ACVR1: variants seen among roughly 807,000 people sequenced by gnomAD.
ACVR1 encodes the protein activin receptor type-1.
A neutral mutation model predicts 57.1 loss-of-function variants in ACVR1; 38 were observed. The ratio of observed to expected loss-of-function variants is 0.67; its 90% confidence interval spans 0.51 to 0.87. The LOEUF (loss-of-function observed/expected upper bound fraction) is 0.87, where lower values mean the gene tolerates loss of function less well. Among genes scored for constraint, ACVR1 ranks in the 40% least tolerant of loss-of-function variants. The pLI is 0.00. For missense variants in ACVR1, 463 were observed against 638.2 expected (o/e 0.73, Z 2.96); for synonymous variants, 212 against 228.1 (o/e 0.93, Z 0.63).
At chr2:157,794,516 C>CA (rs549028541) in intron 3 of ACVR1, among the ~76,000 whole-genome samples, 15 of 146,756 alleles carry the variant, frequency 1.0e-4, no homozygotes, top group Middle Eastern at 3.4e-3. Context: ...TAATTTAGGG[C>CA]AAAAAAAAAT....
intron 1 of ACVR1, among the ~76,000 whole-genome samples, chr2:157,866,116 T>C (rs767298554): frequency 6.6e-6 from 1 of 152,208 alleles, no homozygotes; most frequent in Non-Finnish European, 1.5e-5. Flanking sequence ...GAACTCATAT[T>C]ACTGTGCACA....
chr2:157,755,917 C>T (rs1356644777), intron 9 of ACVR1, among the ~76,000 whole-genome samples: 2 of 152,080 alleles, frequency 1.3e-5, no homozygotes, highest in Non-Finnish European at 2.9e-5. Flanking sequence ...TCAAACTATA[C>T]TGTAAGGCCA....
chr2:157,815,060 G>A (rs1687884641), intron 2 of ACVR1, among the ~76,000 whole-genome samples: 1 of 152,138 alleles, frequency 6.6e-6, no homozygotes. Flanking sequence ...CTGCACTCCA[G>A]CCTGGGCAAC....
chr2:157,809,674 C>T (rs1278723967), intron 2 of ACVR1, among the ~76,000 whole-genome samples: 2 of 152,140 alleles, frequency 1.3e-5, no homozygotes, highest in Non-Finnish European at 2.9e-5. Flanking sequence ...TAAATGCACT[C>T]TATGAAGTAG....
intron 8 of ACVR1, among the ~76,000 whole-genome samples, chr2:157,763,080 A>G (rs1392103483): frequency 1.3e-5 from 2 of 152,256 alleles, no homozygotes; most frequent in East Asian, 3.8e-4. Flanking sequence ...AAAGATGACA[A>G]AACAACCGGA....
intron 9 of ACVR1, among the ~76,000 whole-genome samples, chr2:157,746,125 A>G (rs1044344620): frequency 6.6e-6 from 1 of 152,150 alleles, no homozygotes; most frequent in Non-Finnish European, 1.5e-5. Flanking sequence ...GAAGAGGGGA[A>G]ACAAATGTAC....
At chr2:157,854,342 A>G (rs1222156506) in intron 1 of ACVR1, among the ~76,000 whole-genome samples, 2 of 152,234 alleles carry the variant, frequency 1.3e-5, no homozygotes, top group African/African-American at 4.8e-5. Context: ...GGAACACAAC[A>G]TAAAAACATC....
intron 7 of ACVR1, among the ~76,000 whole-genome samples, chr2:157,768,254 G>T (rs189922336): frequency 2.0e-4 from 30 of 152,060 alleles, no homozygotes; most frequent in African/African-American, 7.0e-4. Flanking sequence ...TTCTCTTGGA[G>T]CCCTTAGCTG....
intron 2 of ACVR1, among the ~76,000 whole-genome samples, chr2:157,807,870 TA>T (rs1687612643): frequency 3.0e-5 from 1 of 33,308 alleles, no homozygotes; most frequent in South Asian, 1.5e-3. Flanking sequence ...GGGGGGTGGG[TA>T]TAAGATGAAA....
chr2:157,872,672 C>T (rs951351773), intron 1 of ACVR1, among the ~76,000 whole-genome samples: 1 of 152,168 alleles, frequency 6.6e-6, no homozygotes, highest in Admixed American at 6.5e-5. Context: ...ACTGTGTGCC[C>T]ACTGCAAACA....
chr2:157,785,129 C>T (rs1198655401), intron 3 of ACVR1, among the ~76,000 whole-genome samples: 5 of 152,308 alleles, frequency 3.3e-5, no homozygotes, highest in East Asian at 1.9e-4. Context: ...GTAAACAAAC[C>T]GGCCCATGGC....
At chr2:157,743,308 C>T (rs892774520) in intron 9 of ACVR1, among the ~76,000 whole-genome samples, 1 of 152,156 alleles carries the variant, frequency 6.6e-6, no homozygotes, top group Non-Finnish European at 1.5e-5. Flanking sequence ...AGACAAAGTT[C>T]AGTGCCCTCA....
chr2:157,839,709 T>A (rs112493492), intron 1 of ACVR1, among the ~76,000 whole-genome samples: 52 of 152,144 alleles, frequency 3.4e-4, no homozygotes, highest in African/African-American at 1.2e-3. Context: ...CCCAAGGGCA[T>A]CAGGAAAATC....
At chr2:157,864,390 T>A (rs913068540) in intron 1 of ACVR1, among the ~76,000 whole-genome samples, 9 of 152,024 alleles carry the variant, frequency 5.9e-5, no homozygotes, top group South Asian at 4.2e-4. Flanking sequence ...TTTAAAAAAA[T>A]TTTTGTAGAG....
chr2:157,750,265 G>A (rs1685132567), intron 9 of ACVR1, among the ~76,000 whole-genome samples: 1 of 152,176 alleles, frequency 6.6e-6, no homozygotes, highest in South Asian at 2.1e-4. Context: ...TACCACCGCT[G>A]CCATTGCTGG....
chr2:157,815,328 G>A (rs1687894444), intron 2 of ACVR1, among the ~76,000 whole-genome samples: 2 of 152,158 alleles, frequency 1.3e-5, no homozygotes, highest in African/African-American at 4.8e-5. Context: ...GGGTACTTGG[G>A]AGACAGAAAA....
At chr2:157,865,795 CA>C (rs58489057) in intron 1 of ACVR1, among the ~76,000 whole-genome samples, 59 of 119,228 alleles carry the variant, frequency 4.9e-4, no homozygotes, top group African/African-American at 1.2e-3. Context: ...AACTCCATCT[CA>C]AAAAAAAAAA....
intron 1 of ACVR1, among the ~76,000 whole-genome samples, chr2:157,821,197 A>G (rs1688148245): frequency 6.6e-6 from 1 of 152,166 alleles, no homozygotes; most frequent in Admixed American, 6.5e-5. Flanking sequence ...AAATATAAAA[A>G]CCAACTCCCC....
intron 1 of ACVR1, among the ~76,000 whole-genome samples, chr2:157,830,609 T>G (rs1688547846): frequency 6.6e-6 from 1 of 152,280 alleles, no homozygotes; most frequent in Middle Eastern, 3.4e-3. Flanking sequence ...TTTTTCTAAA[T>G]TTTATATACA....
Sources: allele counts gnomAD v4.1 joint callset (sites outside exome capture counted in the v4.1 genomes callset), GRCh38; gene constraint gnomAD v4.1.1; transcripts MANE v1.5; gene names NCBI Gene and HGNC (gene_info 2026-07-23, HGNC 2026-07-21).